The following KIAA1217 variants were observed in gnomAD, a reference collection of about 807,000 sequenced individuals.
KIAA1217 encodes the protein KIAA1217.
In KIAA1217, 88 loss-of-function variants were observed where a neutral mutation model predicts 163.9. The observed-to-expected ratio is 0.54, with a 90% CI of 0.45 to 0.64. The LOEUF (loss-of-function observed/expected upper bound fraction) is 0.64. Ranked by LOEUF, KIAA1217 falls within the 30% of genes least tolerant of loss-of-function variation. The pLI, the probability that KIAA1217 is intolerant of heterozygous loss-of-function variation, is 0.00. For synonymous variants in KIAA1217, 903 were observed against 923.1 expected, an observed-to-expected ratio of 0.98 and a Z score of 0.39; for missense variants, 2,372 against 2,475.0, an observed-to-expected ratio of 0.96 and a Z score of 0.88.
In KIAA1217 at chr10:24,293,444, C is replaced by T. The variant is rs528331779; in HGVS notation, c.354+73535C>T. Among the ~76,000 whole-genome samples, 6 of 152,322 alleles carry T rather than the reference C, an allele frequency of 3.9e-5. No individual in the cohort carries two copies. In the East Asian group the frequency reaches 1.2e-3, roughly 29 times the overall value. Reference sequence around the variant, plus strand: ...CTGCCTCTGCAGGCACTGCCCCGCCCCGGCCCTTCCACTCTAGAGGAAAGC... The same window carrying T: ...CTGCCTCTGCAGGCACTGCCCCGCCTCGGCCCTTCCACTCTAGAGGAAAGC... On this transcript the variant is annotated intron_variant, in intron 2 of 20. Transcript: ENST00000376454.
chr10:23,904,088 C>CT (rs1232488015), intron 1 of KIAA1217, among the ~76,000 whole-genome samples: 7 of 151,960 alleles, frequency 4.6e-5, no homozygotes, highest in Non-Finnish European at 1.0e-4. Context: ...AACTGAATGA[C>CT]TTTTTTTTGT....
In KIAA1217 at chr10:24,010,079, A is replaced by G. The variant is rs117672942; in HGVS notation, c.-171+2705A>G. On this transcript the variant is annotated intron_variant, in intron 2 of 18. Transcript: ENST00000376462. The stretch of plus-strand genomic sequence containing the variant: ...CTTGATCAATTACAGTGATAGCTAA[A>G]GAAACATTTTCTCAAATGTATTATT... Among the ~76,000 whole-genome samples, 950 of 152,296 alleles carry G rather than the reference A, an allele frequency of 6.2e-3. 8 individuals are homozygous for G. The highest frequency in any genetic ancestry group is 0.01 in the Non-Finnish European group (688 of 68,022).
Position 24,388,218 on chromosome 10 carries a change from T to C in KIAA1217, c.553+7151T>C, listed in dbSNP as rs1169610239. Among the ~76,000 whole-genome samples the C allele has an allele frequency of 3.5e-4, 53 of 152,060 alleles. 1 individual carries two copies. Among genetic ancestry groups the C allele is most frequent in the Non-Finnish European group, 7.4e-5 (5 of 68,018 alleles). ...GTACCAAAACAGAGATACAGACCAA[T>C]GGAACAGAACAGAGCCCTCAGAAAT... On this transcript the variant is annotated intron_variant, in intron 3 of 20. Transcript: ENST00000376454.
intron 2 of KIAA1217, among the ~76,000 whole-genome samples, chr10:24,178,549 A>ATAT (rs1256547996): frequency 6.6e-6 from 1 of 152,212 alleles, no homozygotes; most frequent in Non-Finnish European, 1.5e-5. Flanking sequence ...CAGCTACCAT[A>ATAT]TATTAGATTG....
chr10:24,402,518 A>AAC (rs1343395737), intron 3 of KIAA1217, among the ~76,000 whole-genome samples: 2 of 125,688 alleles, frequency 1.6e-5, no homozygotes, highest in African/African-American at 6.4e-5. Flanking sequence ...CAAAAAAACA[A>AAC]AAAACAAAAC....
chr10:24,087,290 G>A (rs1026493861), intron 2 of KIAA1217, among the ~76,000 whole-genome samples: 1 of 152,150 alleles, frequency 6.6e-6, no homozygotes, highest in African/African-American at 2.4e-5. Flanking sequence ...AGAATGGTCT[G>A]TTTTTAATAT....
In KIAA1217 at chr10:24,505,996, C is replaced by T. The variant is rs538852010; in HGVS notation, c.2001+4451C>T. Among the ~76,000 whole-genome samples the T allele has an allele frequency of 7.9e-5, 12 of 152,152 alleles. No individual in the cohort carries two copies. The South Asian group carries it at 2.5e-3, about 32-fold the overall frequency. ...TGGAGTTTCCCATGTGCAACAGACCCGTGTCCCCTGCCAAGCAGAAATAAT... is the reference window on the plus strand; with the variant it reads ...TGGAGTTTCCCATGTGCAACAGACCTGTGTCCCCTGCCAAGCAGAAATAAT... On this transcript the variant is annotated intron_variant, in intron 9 of 20. Coordinates refer to ENST00000376454, the MANE Select transcript of KIAA1217 (RefSeq NM_019590.5).
At chr10:24,402,873 G>A (rs937569076) in intron 3 of KIAA1217, among the ~76,000 whole-genome samples, 9 of 152,178 alleles carry the variant, frequency 5.9e-5, no homozygotes, top group Admixed American at 5.2e-4. Context: ...GCTCATGCCT[G>A]TAATCCCAGC....
chr10:24,337,297 A>G (rs1019829705), intron 2 of KIAA1217, among the ~76,000 whole-genome samples: 3 of 152,236 alleles, frequency 2.0e-5, no homozygotes, highest in Non-Finnish European at 4.4e-5. Context: ...ATGTCCATTA[A>G]GCACATGAAA....
rs188915699 is a variant in KIAA1217 at position 24,148,252 on chromosome 10, T to C, written c.-170-71374T>C. On this transcript the variant is annotated intron_variant, in intron 2 of 18. Transcript: ENST00000376462. ...CTTGCACAAATCGAACCGAGTTTTA[T>C]AGAACACTTATGTAGTATTATGTAG... 1.3e-4 allele frequency among the ~76,000 whole-genome samples: 20 copies of C among 152,326 alleles called. No homozygotes were observed. The East Asian group carries it at 3.7e-3, about 28-fold the overall frequency.
At chr10:23,742,234 C>A in intron 1 of KIAA1217, among the ~76,000 whole-genome samples, 1 of 151,978 alleles carries the variant, frequency 6.6e-6, no homozygotes, top group Non-Finnish European at 1.5e-5. Context: ...GTCCTTGTGC[C>A]ATCTATTGAT....
intron 9 of KIAA1217, among the ~76,000 whole-genome samples, chr10:24,506,705 A>C (rs1395223000): frequency 1.3e-5 from 2 of 152,186 alleles, no homozygotes; most frequent in Non-Finnish European, 2.9e-5. Context: ...GAAAAAACCT[A>C]CAGTTGACCC....
At chr10:24,404,362 A>T (rs559894560) in intron 3 of KIAA1217, among the ~76,000 whole-genome samples, 6 of 152,072 alleles carry the variant, frequency 3.9e-5, no homozygotes, top group South Asian at 2.1e-4. Flanking sequence ...AGGTCGGGAG[A>T]TGGAGACCCT....
chr10:23,938,670 A>C lies in KIAA1217; in HGVS notation c.-320-68555A>C, dbSNP rs555827479. Among the ~76,000 whole-genome samples, 35 of 92,452 alleles carry C rather than the reference A, an allele frequency of 3.8e-4. No individual in the cohort carries two copies. In the South Asian group the frequency reaches 7.1e-3, roughly 19 times the overall value. 60.7% of individuals were successfully genotyped at this position (92,452 alleles called of 152,430 possible). A position where few individuals can be genotyped will look rare whatever the true frequency, so the allele number is the denominator to read the frequency against. The stretch of plus-strand genomic sequence containing the variant: ...AAGTCATCTAGAGATGATTTAGAGT[A>C]AAAAAAAAAAGGATGTGCCTCGGTT... On this transcript the variant is annotated intron_variant, in intron 1 of 18. Transcript: ENST00000376462.
chr10:24,087,052 C>T (rs905088020), intron 2 of KIAA1217, among the ~76,000 whole-genome samples: 2 of 152,146 alleles, frequency 1.3e-5, no homozygotes, highest in African/African-American at 4.8e-5. Flanking sequence ...TTCATAGTAT[C>T]CAAATTCAGT....
chr10:24,247,314 G>A (rs1003560549), intron 2 of KIAA1217, among the ~76,000 whole-genome samples: 6 of 151,678 alleles, frequency 4.0e-5, no homozygotes, highest in African/African-American at 1.5e-4. Context: ...TTTTAGAGGC[G>A]GGGTCTCACT....
chr10:24,244,845 A>G (rs1314263566), intron 2 of KIAA1217, among the ~76,000 whole-genome samples: 2 of 152,038 alleles, frequency 1.3e-5, no homozygotes, highest in African/African-American at 4.8e-5. Context: ...GATGACAGAC[A>G]TGAGCCAGTG....
At chr10:24,538,050 T>G (rs1377380276) in intron 17 of KIAA1217, among the ~76,000 whole-genome samples, 1 of 152,178 alleles carries the variant, frequency 6.6e-6, no homozygotes, top group Non-Finnish European at 1.5e-5. Context: ...ATTCTAGCTT[T>G]CCTTAAACAA....
chr10:23,898,301 A>T, intron 1 of KIAA1217, among the ~76,000 whole-genome samples: 1 of 135,132 alleles, frequency 7.4e-6, no homozygotes, highest in Non-Finnish European at 1.7e-5. Flanking sequence ...AAGACTATAT[A>T]TATACACACA....
Sources: allele counts gnomAD v4.1 joint callset (sites outside exome capture counted in the v4.1 genomes callset), GRCh38; gene constraint gnomAD v4.1.1; transcripts MANE v1.5; gene names NCBI Gene and HGNC (gene_info 2026-07-23, HGNC 2026-07-21).